PCGF6: variants seen among roughly 807,000 people sequenced by gnomAD.
PCGF6 encodes the protein polycomb group ring finger 6, also known as polycomb group RING finger protein 6.
Under a neutral mutation model 45.5 loss-of-function variants are expected in PCGF6, and 24 were observed. The observed-to-expected ratio is 0.53, with a 90% confidence interval of 0.38 to 0.74. The LOEUF (loss-of-function observed/expected upper bound fraction) is 0.74. Among genes scored for constraint, PCGF6 ranks in the 30% least tolerant of loss-of-function variants. The pLI is 0.00. For synonymous variants in PCGF6, 152 were observed against 162.1 expected, an observed-to-expected ratio of 0.94 and a Z score of 0.47; for missense variants, 356 against 443.2, an observed-to-expected ratio of 0.80 and a Z score of 1.77.
chr10:103,348,679 A>G, intron 3 of PCGF6, 37 bp downstream of exon 3: 1 of 1,390,158 alleles, frequency 7.2e-7, no homozygotes, highest in Non-Finnish European at 9.9e-7. Flanking sequence ...GAAAAAGTAT[A>G]TTTAAAATAC....
intron 1 of PCGF6, 57 bp from the exon 2 acceptor site, chr10:103,349,056 T>TC: frequency 7.0e-7 from 1 of 1,430,052 alleles, no homozygotes; most frequent in East Asian, 2.3e-5. Context: ...ACAAATTCTT[T>TC]TTTTTTTTTT....
chr10:103,342,336 T>C (rs1194518795), intron 6 of PCGF6, among the ~76,000 whole-genome samples: 1 of 151,572 alleles, frequency 6.6e-6, no homozygotes, highest in Non-Finnish European at 1.5e-5. Context: ...CAGGTTCAAG[T>C]AATTCTCCCG....
chr10:103,335,366 ATTTTT>A (rs774656906), intron 6 of PCGF6, among the ~76,000 whole-genome samples: 1 of 138,252 alleles, frequency 7.2e-6, no homozygotes, highest in African/African-American at 2.7e-5. Context: ...CAAAGCACTC[ATTTTT>A]TTTTTTTTTT....
intron 6 of PCGF6, among the ~76,000 whole-genome samples, chr10:103,344,419 C>T (rs992725188): frequency 6.6e-6 from 1 of 151,858 alleles, no homozygotes; most frequent in African/African-American, 2.4e-5. Flanking sequence ...TTACAGGCAC[C>T]TGCCACCATG....
At chr10:103,313,829 G>A (rs2093165558) in intron 9 of PCGF6, among the ~76,000 whole-genome samples, 1 of 152,026 alleles carries the variant, frequency 6.6e-6, no homozygotes, top group Non-Finnish European at 1.5e-5. Flanking sequence ...CTGGACAGGC[G>A]GAAAAAAACA....
rs1386554999 is a variant in PCGF6, at chr10:103,337,881, G to A, written c.783-3929C>T. Among the ~76,000 whole-genome samples, 6 of 109,410 alleles carry A rather than the reference G, an allele frequency of 5.5e-5. 2 individuals are homozygous for A. The highest frequency in any genetic ancestry group is 2.0e-4 in the African/African-American group (6 of 30,000). The allele number at this position is 109,410 out of a possible 152,430, so 71.8% of individuals were successfully genotyped here. ...AGATCGAGACCATCCCGGCTAAAACGGCGAAACCCCGTCTCTACTAAAAAT... is the reference window on the plus strand; with the variant it reads ...AGATCGAGACCATCCCGGCTAAAACAGCGAAACCCCGTCTCTACTAAAAAT... On this transcript the variant is annotated intron_variant, in intron 6 of 9. Coordinates refer to ENST00000369847, the MANE Select transcript of PCGF6 (RefSeq NM_001011663.2).
chr10:103,338,265 C>T (rs1343504629), intron 6 of PCGF6, among the ~76,000 whole-genome samples: 2 of 151,246 alleles, frequency 1.3e-5, no homozygotes, highest in Non-Finnish European at 2.9e-5. Context: ...AAAAACCGGT[C>T]AGGTGCAGTG....
chr10:103,350,953 G>A lies in PCGF6; in HGVS notation c.114C>T (p.Pro38=), dbSNP rs770365835. The part of the protein sequence containing the change: ...PVSPPALTPA[P]AAGEEGPAPL... ...GCGCCGGTCCCTCCTCACCCGCTGC[G>A]GGTGCAGGGGTGAGGGCGGGCGGGG... Residue 38 remains proline, a synonymous_variant, in exon 1 of 10, where the codon CCC becomes CCT. Transcript: ENST00000369847. The A allele has an allele frequency of 2.0e-6, 3 of 1,467,134 alleles. No individual in the cohort carries two copies. Among genetic ancestry groups the A allele is most frequent in the South Asian group, 1.4e-5 (1 of 73,208 alleles). 90.9% of individuals were successfully genotyped at this position (1,467,134 alleles called of 1,614,324 possible). A position where few individuals can be genotyped will look rare whatever the true frequency, so the allele number is the denominator to read the frequency against.
chr10:103,320,052 C>T (rs1336869885), intron 8 of PCGF6, among the ~76,000 whole-genome samples: 3 of 152,066 alleles, frequency 2.0e-5, no homozygotes, highest in Non-Finnish European at 2.9e-5. Context: ...GTGATCCGCC[C>T]GCCTCAGCCT....
intron 8 of PCGF6, 46 bp downstream of exon 8, chr10:103,326,488 G>C (rs368427447): frequency 7.9e-7 from 1 of 1,262,280 alleles, no homozygotes; most frequent in South Asian, 1.4e-5. Flanking sequence ...GTGTGCTAAA[G>C]GTAAGCTCAC....
intron 1 of PCGF6, among the ~76,000 whole-genome samples, chr10:103,349,458 A>AATTATTGT (rs1360373804): frequency 1.3e-5 from 2 of 149,950 alleles, no homozygotes; most frequent in African/African-American, 4.9e-5. Flanking sequence ...ACACAATATA[A>AATTATTGT]ATTATTGTTT....
chr10:103,347,952 T>C (rs996457903), intron 3 of PCGF6, among the ~76,000 whole-genome samples: 11 of 152,192 alleles, frequency 7.2e-5, no homozygotes, highest in African/African-American at 2.4e-4. Context: ...TGTGTGAAGG[T>C]AGTAAAAATC....
intron 8 of PCGF6, among the ~76,000 whole-genome samples, chr10:103,319,019 C>T (rs1259491119): frequency 6.6e-6 from 1 of 152,122 alleles, no homozygotes; most frequent in Non-Finnish European, 1.5e-5. Flanking sequence ...AGAAATCAGA[C>T]CATGAAAGTA....
At position 103,348,787 on chromosome 10, in the gene PCGF6, A is replaced by G; in HGVS notation, c.486T>C (p.His162=). The G allele has an allele frequency of 2.5e-6, 4 of 1,613,164 alleles. No homozygotes were observed. The highest frequency in any genetic ancestry group is 1.7e-5 in the Admixed American group (1 of 59,858). The change falls in exon 3 of 10, where the codon CAT becomes CAC. Residue 162 remains histidine (H), a synonymous_variant. Transcript: ENST00000369847. ...HTFCKSCIVR[H]FYYSNRCPKC... is the part of the protein sequence containing the mutation. ...TTGGACATCTGTTGCTGTAGTAAAAATGTCTTACGATGCAGCTTTTACAAA... is the reference window on the plus strand; with the variant it reads ...TTGGACATCTGTTGCTGTAGTAAAAGTGTCTTACGATGCAGCTTTTACAAA...
At chr10:103,345,982 C>T (rs1325387516) in intron 5 of PCGF6, among the ~76,000 whole-genome samples, 1 of 151,180 alleles carries the variant, frequency 6.6e-6, no homozygotes, top group Non-Finnish European at 1.5e-5. Flanking sequence ...CACTTCAGGT[C>T]AGGAGTTCGG....
chr10:103,309,096 G>A (rs998633834), intron 9 of PCGF6, among the ~76,000 whole-genome samples: 2 of 151,810 alleles, frequency 1.3e-5, no homozygotes, highest in African/African-American at 4.8e-5. Flanking sequence ...TCTCAGATGA[G>A]ACTATGGAAT....
chr10:103,345,207 A>C lies in PCGF6; in HGVS notation c.674-75T>G, dbSNP rs925651382. On this transcript the variant is annotated intron_variant, in intron 5 of 9. Transcript: ENST00000369847. The stretch of plus-strand genomic sequence containing the variant: ...ATTGAGATCTTTGGAAAAATACACA[A>C]GTATTATAATTATGTTGAGTATTTA... The C allele has an allele frequency of 4.9e-6, 5 of 1,019,816 alleles. No individual in the cohort carries two copies. In the East Asian group the frequency reaches 9.9e-5, roughly 20 times the overall value. The allele number at this position is 1,019,816 out of a possible 1,614,324, so 63.2% of individuals were successfully genotyped here. A position where few individuals can be genotyped will look rare whatever the true frequency, so the allele number is the denominator to read the frequency against.
intron 8 of PCGF6, among the ~76,000 whole-genome samples, chr10:103,321,900 C>CTT (rs778526068): frequency 6.9e-6 from 1 of 144,580 alleles, no homozygotes. Context: ...TTTCATTTCA[C>CTT]TTTTTTTTTT....
At chr10:103,314,954 TAAAAAAAAAA>T (rs60182387) in intron 8 of PCGF6, among the ~76,000 whole-genome samples, 6 of 57,180 alleles carry the variant, frequency 1.0e-4, no homozygotes, top group South Asian at 9.5e-4. Context: ...GACTCTGTCA[TAAAAAAAAAA>T]AAAAAAAAAA....
Sources: gnomAD v4.1 joint callset for allele counts (sites outside exome capture counted in the v4.1 genomes callset) on GRCh38, gnomAD v4.1.1 for gene constraint, MANE v1.5 for transcripts, NCBI Gene and HGNC (gene_info 2026-07-23, HGNC 2026-07-21) for gene names.